NUP107: variants seen among roughly 807,000 people sequenced by gnomAD.
NUP107 encodes the protein nuclear pore complex protein Nup107.
Under a neutral mutation model 141.0 loss-of-function variants are expected in NUP107, and 101 were observed. That is an observed-to-expected ratio of 0.72 (90% CI 0.61 to 0.84). The LOEUF is 0.84. Among genes scored for constraint, NUP107 ranks in the 40% least tolerant of loss-of-function variants. The pLI is 0.00. For synonymous variants in NUP107, 319 were observed against 363.9 expected (o/e 0.88, Z 1.41); for missense variants, 941 against 1,102.7 (o/e 0.85, Z 2.08).
chr12:68,713,213 A>G (rs1434215661), intron 10 of NUP107, among the ~76,000 whole-genome samples: 1 of 151,926 alleles, frequency 6.6e-6, no homozygotes, highest in Non-Finnish European at 1.5e-5. Flanking sequence ...ATCTCTACAA[A>G]AATATTAAAA....
At chr12:68,703,889 C>T (rs1022016502) in intron 8 of NUP107, among the ~76,000 whole-genome samples, 2 of 152,010 alleles carry the variant, frequency 1.3e-5, no homozygotes, top group Admixed American at 1.3e-4. Context: ...TAGGTTGTTA[C>T]TGGTATTTTT....
At chr12:68,738,203 G>A (rs1878157802) in intron 26 of NUP107, among the ~76,000 whole-genome samples, 1 of 152,184 alleles carries the variant, frequency 6.6e-6, no homozygotes, top group Non-Finnish European at 1.5e-5. Flanking sequence ...TTGAACCTGG[G>A]AGGCGGAGGT....
In NUP107 at chr12:68,721,971, A is replaced by C; in HGVS notation, c.1442A>C (p.Glu481Ala). The C allele has an allele frequency of 1.2e-6, 2 of 1,613,686 alleles. No individual in the cohort carries two copies. Among genetic ancestry groups the C allele is most frequent in the Non-Finnish European group, 1.7e-6 (2 of 1,179,848 alleles). ...TLDETEELPR[E>A]YLGANWTLEK... ...GATGAAACTGAAGAACTCCCTAGAG[A>C]ATATCTGGGAGCAAAGTGAGTTTGT... The change falls in exon 16 of 28, where the codon GAA (glutamate) becomes GCA (alanine). Residue 481 changes from glutamate to alanine, a missense_variant. Glu to Ala is a moderately radical substitution (Grantham distance 107, BLOSUM62 -1). Coordinates refer to ENST00000229179, the MANE Select transcript of NUP107 (RefSeq NM_020401.4).
chr12:68,741,861 A>G lies in NUP107; in HGVS notation c.2551A>G (p.Lys851Glu). ...ERTHQMVLLRKLCLPMLCFLL... is the reference protein window; with the variant it reads ...ERTHQMVLLRELCLPMLCFLL... ...AACACATCAAATGGTCTTACTGAGA[A>G]AGCTTTGTCTGCCAATGTTGTGTTT... Residue 851 changes from lysine to glutamate, a missense_variant, in exon 27 of 28, where the codon AAG becomes GAG. Transcript: ENST00000229179. 1 of 1,614,058 alleles carries G rather than the reference A, an allele frequency of 6.2e-7. No individual in the cohort carries two copies. Among genetic ancestry groups the G allele is most frequent in the Non-Finnish European group, 8.5e-7 (1 of 1,179,982 alleles).
At chr12:68,697,095 A>G (rs2136003526) in intron 6 of NUP107, among the ~76,000 whole-genome samples, 173 bp downstream of exon 6, 1 of 152,266 alleles carries the variant, frequency 6.6e-6, no homozygotes, top group African/African-American at 2.4e-5. Flanking sequence ...GGCCCATACA[A>G]GATTTCTTTG....
chr12:68,742,579 G>C lies in NUP107; in HGVS notation c.*117G>C. On this transcript the variant is annotated 3_prime_UTR_variant, in exon 28 of 28. Coordinates refer to ENST00000229179, the MANE Select transcript of NUP107 (RefSeq NM_020401.4). ...TGTAAAATTTAGACATTTGAATTTT[G>C]TACTTTTCAGAATATTATCGTGACA... 1.9e-6 allele frequency: 1 copy of C among 517,250 alleles called. No individual in the cohort carries two copies. Among genetic ancestry groups the C allele is most frequent in the Non-Finnish European group, 3.4e-6 (1 of 292,912 alleles). The allele number at this position is 517,250 out of a possible 1,614,324, so 32.0% of individuals were successfully genotyped here.
At chr12:68,706,996 C>T (rs530542922) in intron 8 of NUP107, 14 of 630,028 alleles carry the variant, frequency 2.2e-5, no homozygotes, top group African/African-American at 1.6e-4. Flanking sequence ...CCAGCTCCAC[C>T]AGGGCTGTGA....
At position 68,690,642 on chromosome 12, in the gene NUP107, A is replaced by C. The variant is rs759631525; in HGVS notation, c.199A>C (p.Ser67Arg). The change falls in exon 4 of 28, where the codon AGC becomes CGC. Residue 67 changes from serine to arginine, a missense_variant. By Grantham distance (110) the Ser-to-Arg change is moderately radical. Transcript: ENST00000229179. ...SSFRQPFTPT[S>R]RSLLRQPDIS... ...CCTTTTGTTTATAGTTACCCCAACAAGCCGAAGCTTACTAAGGCAGCCAGA... is the reference window on the plus strand; with the variant it reads ...CCTTTTGTTTATAGTTACCCCAACACGCCGAAGCTTACTAAGGCAGCCAGA... The C allele has an allele frequency of 3.7e-6, 6 of 1,614,194 alleles. No individual in the cohort carries two copies. Among genetic ancestry groups the C allele is most frequent in the Non-Finnish European group, 5.1e-6 (6 of 1,180,004 alleles).
intron 8 of NUP107, chr12:68,705,903 G>C: frequency 2.3e-6 from 2 of 879,256 alleles, no homozygotes; most frequent in Non-Finnish European, 3.9e-6. Flanking sequence ...TGTGCACCCA[G>C]GTGAAGGAGC....
intron 26 of NUP107, among the ~76,000 whole-genome samples, chr12:68,739,291 T>C (rs1878217842): frequency 1.3e-5 from 2 of 152,258 alleles, no homozygotes; most frequent in Non-Finnish European, 2.9e-5. Context: ...TATTAATTTA[T>C]TTGCTTTTTG....
chr12:68,733,731 A>G lies in NUP107; in HGVS notation c.2262+119A>G, dbSNP rs562423938. On this transcript the variant is annotated intron_variant, in intron 24 of 27. Transcript: ENST00000229179. Reference sequence around the variant, plus strand: ...GGTTCATCTTACCTCTCTTGTGACTATAGTGCTGACTCATCCACAAGGGGA... The same window carrying G: ...GGTTCATCTTACCTCTCTTGTGACTGTAGTGCTGACTCATCCACAAGGGGA... 4.0e-5 allele frequency: 39 copies of G among 969,644 alleles called. 1 individual carries two copies. Among genetic ancestry groups the G allele is most frequent in the South Asian group, 3.8e-4 (23 of 60,648 alleles). The allele number at this position is 969,644 out of a possible 1,614,324, so 60.1% of individuals were successfully genotyped here. A position where few individuals can be genotyped will look rare whatever the true frequency, so the allele number is the denominator to read the frequency against.
intron 17 of NUP107, among the ~76,000 whole-genome samples, chr12:68,725,234 A>G (rs186812021): frequency 6.6e-6 from 1 of 152,358 alleles, no homozygotes; most frequent in African/African-American, 2.4e-5. Context: ...CAAGCTGCAA[A>G]TAAGTTAGAA....
chr12:68,705,790 G>T, intron 8 of NUP107: 1 of 756,938 alleles, frequency 1.3e-6, no homozygotes, highest in South Asian at 1.3e-5. Flanking sequence ...CCTGGGTGGA[G>T]ACTTTGGCAG....
At chr12:68,726,246 GATAAAT>G (rs1406658926) in intron 18 of NUP107, among the ~76,000 whole-genome samples, 1 of 151,966 alleles carries the variant, frequency 6.6e-6, no homozygotes, top group Admixed American at 6.6e-5. Context: ...TTTTAATCTT[GATAAAT>G]ATTAACCTAT....
chr12:68,727,346 T>C lies in NUP107; in HGVS notation c.1696-5T>C. The C allele has an allele frequency of 6.8e-7, 1 of 1,464,552 alleles. No homozygotes were observed. The highest frequency in any genetic ancestry group is 9.5e-7 in the Non-Finnish European group (1 of 1,055,724). 90.7% of individuals were successfully genotyped at this position (1,464,552 alleles called of 1,614,324 possible). ...TTTATAATTATGTCTTTTTTTCCTA[T>C]GAAGGAGGAAGTTTCTATTGAAGTT... is the stretch of plus-strand genomic sequence containing the variant. On this transcript the variant is annotated splice_region_variant and splice_polypyrimidine_tract_variant and intron_variant, in intron 19 of 27. Transcript: ENST00000229179.
At chr12:68,694,939 A>T (rs1592492818) in intron 5 of NUP107, among the ~76,000 whole-genome samples, 1 of 152,192 alleles carries the variant, frequency 6.6e-6, no homozygotes, top group Admixed American at 6.6e-5. Flanking sequence ...TAGAATAGAC[A>T]CTGTTCTAAA....
At chr12:68,706,467 C>G (rs1876586221) in intron 8 of NUP107, 2 of 724,846 alleles carry the variant, frequency 2.8e-6, no homozygotes, top group Non-Finnish European at 5.1e-6. Context: ...CAGGCTGAGG[C>G]TGAGAGCATG....
At chr12:68,730,214 C>CTGTTTTTTTTTT (rs1782645030) in intron 20 of NUP107, among the ~76,000 whole-genome samples, 1 of 85,374 alleles carries the variant, frequency 1.2e-5, no homozygotes, top group Non-Finnish European at 2.2e-5. Flanking sequence ...GTGATACTAC[C>CTGTTTTTTTTTT]TTTTTTTTTT....
At position 68,741,948 on chromosome 12, in the gene NUP107, A is replaced by G. The variant is rs747127320; in HGVS notation, c.2638A>G (p.Met880Val). The G allele has an allele frequency of 1.9e-6, 3 of 1,612,096 alleles. No individual in the cohort carries two copies. The highest frequency in any genetic ancestry group is 2.5e-6 in the Non-Finnish European group (3 of 1,178,968). The stretch of plus-strand genomic sequence containing the variant: ...TCAGGAATGCCTACAGTTAGCAGAT[A>G]TGGTATCCTCTGAGCGCCACAAACT... Reference protein sequence around the residue: ...QYQECLQLADMVSSERHKLYL... With the variant: ...QYQECLQLADVVSSERHKLYL... The change falls in exon 27 of 28, where the codon ATG becomes GTG. Residue 880 changes from methionine (M) to valine (V), a missense_variant. Transcript: ENST00000229179.
Sources: allele counts gnomAD v4.1 joint callset (sites outside exome capture counted in the v4.1 genomes callset), GRCh38; gene constraint gnomAD v4.1.1; transcripts MANE v1.5; gene names NCBI Gene and HGNC (gene_info 2026-07-23, HGNC 2026-07-21).